MPHOSPH9: variants seen among roughly 807,000 people sequenced by gnomAD.
The protein encoded by MPHOSPH9 is M-phase phosphoprotein 9.
MPHOSPH9 carries 88 observed loss-of-function variants against 145.5 expected under a neutral mutation model. That is an observed-to-expected ratio of 0.60 (90% CI 0.51 to 0.72). The LOEUF (loss-of-function observed/expected upper bound fraction) is 0.72, where lower values mean the gene tolerates loss of function less well. MPHOSPH9 is among the 30% of genes least tolerant of loss of function. The probability of loss-of-function intolerance (pLI) is 0.00; values close to 1 mark genes in which losing one functional copy is unlikely to be tolerated. For missense variants in MPHOSPH9, 1,238 were observed against 1,386.6 expected, an observed-to-expected ratio of 0.89 and a Z score of 1.70; for synonymous variants, 435 against 486.2, an observed-to-expected ratio of 0.89 and a Z score of 1.39.
intron 6 of MPHOSPH9, among the ~76,000 whole-genome samples, chr12:123,216,680 G>A (rs2046974445): frequency 6.6e-6 from 1 of 151,480 alleles, no homozygotes; most frequent in African/African-American, 2.4e-5. Flanking sequence ...ATGAGACCCT[G>A]TCTCTACAAA....
At chr12:123,235,655 A>G (rs1176546056), upstream of MPHOSPH9, among the ~76,000 whole-genome samples, 1 of 150,234 alleles carries the variant, frequency 6.7e-6, no homozygotes, top group Non-Finnish European at 1.5e-5. Context: ...TACAGGCGTG[A>G]GCCACCGCGC....
At chr12:123,239,339 TTTA>T (rs1187966246) in intron 1 of MPHOSPH9, among the ~76,000 whole-genome samples, 3 of 152,194 alleles carry the variant, frequency 2.0e-5, no homozygotes, top group African/African-American at 7.2e-5. Context: ...CATTTCATCA[TTTA>T]TTATTTCTAA....
intron 12 of MPHOSPH9, among the ~76,000 whole-genome samples, chr12:123,196,321 G>A (rs2045942677): frequency 1.3e-5 from 2 of 152,102 alleles, no homozygotes; most frequent in Admixed American, 6.6e-5. Flanking sequence ...TTGCACTCCA[G>A]CCTGGGCAAC....
In MPHOSPH9 at chr12:123,203,027, G is replaced by A. The variant is rs140266767; in HGVS notation, c.1378C>T (p.Gln460Ter). ...AGGGCATTCGGAAGGCCGTGAGGTT[G>A]AATCCCTGAAATCTGCTGCTTTGGC... The part of the protein sequence containing the change: ...MKPKQQISGI[Q>*]PHGLPNALDD... Residue 460 changes from glutamine to a stop codon, truncating the protein, a stop_gained, in exon 10 of 24, where the codon CAA becomes TAA. Transcript: ENST00000606320. LOFTEE classifies it high-confidence loss of function. 1.2e-6 allele frequency: 2 copies of A among 1,614,202 alleles called. No individual in the cohort carries two copies. Among genetic ancestry groups the A allele is most frequent in the Non-Finnish European group, 1.7e-6 (2 of 1,180,044 alleles).
intron 13 of MPHOSPH9, among the ~76,000 whole-genome samples, chr12:123,187,779 T>C (rs915878895): frequency 3.3e-5 from 5 of 152,136 alleles, no homozygotes; most frequent in African/African-American, 4.8e-5. Flanking sequence ...TGGTTAATCA[T>C]TGGAGGCAGG....
At chr12:123,240,201 T>C (rs1385860182) in intron 1 of MPHOSPH9, among the ~76,000 whole-genome samples, 2 of 61,650 alleles carry the variant, frequency 3.2e-5, no homozygotes, top group Admixed American at 2.4e-4. Flanking sequence ...CCATCTCTAT[T>C]AAAAATACAA....
chr12:123,230,414 G>T lies in MPHOSPH9; in HGVS notation c.-50C>A. The T allele has an allele frequency of 8.5e-7, 1 of 1,181,414 alleles. No homozygotes were observed. Among genetic ancestry groups the T allele is most frequent in the South Asian group, 1.5e-5 (1 of 68,902 alleles). The allele number at this position is 1,181,414 out of a possible 1,614,324, so 73.2% of individuals were successfully genotyped here. On this transcript the variant is annotated 5_prime_UTR_variant, in exon 2 of 24. Transcript: ENST00000606320. ...CTTATTGGAAAATAAAGGTTCTTGG[G>T]CTGTTTGAGAAAAATGAATCCGTGT...
intron 7 of MPHOSPH9, among the ~76,000 whole-genome samples, chr12:123,212,446 T>C (rs1002533830): frequency 6.6e-5 from 10 of 151,898 alleles, no homozygotes; most frequent in African/African-American, 2.4e-4. Context: ...TCCCAGCACT[T>C]TGGGAGGCTG....
chr12:123,162,299 T>TG, intron 20 of MPHOSPH9, 81 bp from the exon 21 acceptor site: 7 of 602,804 alleles, frequency 1.2e-5, no homozygotes, highest in Non-Finnish European at 1.6e-5. Context: ...TGAGCTGGCA[T>TG]CCAGCTAACT....
At chr12:123,214,265 A>G (rs1362764448) in intron 7 of MPHOSPH9, among the ~76,000 whole-genome samples, 1 of 152,208 alleles carries the variant, frequency 6.6e-6, no homozygotes, top group Non-Finnish European at 1.5e-5. Context: ...GTGGCTGGAC[A>G]TGGTGGCTGA....
chr12:123,229,126 ATGTAT>A (rs927207612), intron 2 of MPHOSPH9, among the ~76,000 whole-genome samples: 16 of 152,324 alleles, frequency 1.1e-4, no homozygotes, highest in Middle Eastern at 3.4e-3. Context: ...TTTTAAAGTA[ATGTAT>A]TTATTTATAA....
At chr12:123,220,671 A>G (rs1219603945) in intron 5 of MPHOSPH9, among the ~76,000 whole-genome samples, 1 of 152,150 alleles carries the variant, frequency 6.6e-6, no homozygotes, top group Non-Finnish European at 1.5e-5. Context: ...CAGGAGGATC[A>G]CTTGAGCCCA....
At chr12:123,176,594 C>T (rs369759586) in intron 16 of MPHOSPH9, 94 bp downstream of exon 16, 16 of 916,428 alleles carry the variant, frequency 1.7e-5, no homozygotes, top group Non-Finnish European at 1.8e-5. Context: ...ACATTTAACC[C>T]GGACTTTCTT....
intron 2 of MPHOSPH9, among the ~76,000 whole-genome samples, 183 bp from the exon 3 acceptor site, chr12:123,227,799 C>T (rs536364184): frequency 3.8e-4 from 58 of 152,260 alleles, no homozygotes; most frequent in Non-Finnish European, 6.5e-4. Flanking sequence ...GTAAAAAGAC[C>T]GCACTGTACT....
chr12:123,194,256 G>A (rs796840073), intron 13 of MPHOSPH9, 130 bp downstream of exon 13: 3 of 657,462 alleles, frequency 4.6e-6, no homozygotes, highest in Middle Eastern at 4.4e-4. Flanking sequence ...GTGTCAGAGT[G>A]AGACTCTGTC....
At chr12:123,168,391 G>C (rs934620526) in intron 16 of MPHOSPH9, among the ~76,000 whole-genome samples, 2 of 150,672 alleles carry the variant, frequency 1.3e-5, no homozygotes, top group Non-Finnish European at 2.9e-5. Flanking sequence ...ACCCAGGCTG[G>C]AGTACGGTGG....
chr12:123,167,627 C>T (rs1023057035), intron 16 of MPHOSPH9, among the ~76,000 whole-genome samples: 2 of 152,192 alleles, frequency 1.3e-5, no homozygotes, highest in African/African-American at 4.8e-5. Flanking sequence ...TTCACCACAG[C>T]ATGCGTACTC....
rs755817312 is a variant in MPHOSPH9, at chr12:123,202,714, G to A, written c.1691C>T (p.Ser564Leu). ...ACCTGGAAGCTGGGACTGACTGACTGAGGCCGAAGCAACCATGACAGTGTT... is the reference window on the plus strand; with the variant it reads ...ACCTGGAAGCTGGGACTGACTGACTAAGGCCGAAGCAACCATGACAGTGTT... The part of the protein sequence containing the change: ...EENTVMVASA[S>L]VSQSQLPGTA... Residue 564 changes from serine to leucine, a missense_variant, in exon 10 of 24, where the codon TCA (serine) becomes TTA (leucine). Physicochemically the swap from Ser to Leu is moderately radical, Grantham distance 145. Transcript: ENST00000606320. 1 of 1,614,164 alleles carries A rather than the reference G, an allele frequency of 6.2e-7. No individual in the cohort carries two copies. Among genetic ancestry groups the A allele is most frequent in the Admixed American group, 1.7e-5 (1 of 60,002 alleles).
At chr12:123,216,849 C>T (rs568033740) in intron 6 of MPHOSPH9, among the ~76,000 whole-genome samples, 1 of 151,918 alleles carries the variant, frequency 6.6e-6, no homozygotes, top group Admixed American at 6.6e-5. Flanking sequence ...ATAAGCCAGG[C>T]GTGGTGGCAC....
Sources: gnomAD v4.1 joint callset for allele counts (sites outside exome capture counted in the v4.1 genomes callset) on GRCh38, gnomAD v4.1.1 for gene constraint, MANE v1.5 for transcripts, NCBI Gene and HGNC (gene_info 2026-07-23, HGNC 2026-07-21) for gene names.